The following GLIS1 variants were observed in gnomAD, a reference collection of about 807,000 sequenced individuals.
GLIS1 encodes the protein GLIS family zinc finger 1, also known as zinc finger protein GLIS1.
GLIS1 carries 24 observed loss-of-function variants against 63.8 expected under a neutral mutation model. The observed-to-expected ratio is 0.38, with a 90% CI of 0.27 to 0.53. The LOEUF (loss-of-function observed/expected upper bound fraction) is 0.53. Among genes scored for constraint, GLIS1 ranks in the 20% least tolerant of loss-of-function variants. GLIS1 has a pLI of 0.85. For missense variants in GLIS1, 1,036 were observed against 1,074.1 expected (o/e 0.96, Z 0.50); for synonymous variants, 450 against 482.5 (o/e 0.93, Z 0.88).
chr1:53,670,820 A>G (rs1381818445), intron 2 of GLIS1, among the ~76,000 whole-genome samples: 3 of 152,190 alleles, frequency 2.0e-5, no homozygotes, highest in Non-Finnish European at 2.9e-5. Flanking sequence ...GACCCATGGG[A>G]GGAGCTTACT....
chr1:53,737,961 G>A lies in GLIS1; in HGVS notation c.104C>T (p.Ala35Val). Reference protein sequence around the residue: ...RGPASLGAHMAFRVTVSGGGC... With the variant: ...RGPASLGAHMVFRVTVSGGGC... ...GCCGCCACTCACGGTGACCCTGAAG[G>A]CCATGTGCGCGCCGAGGCTGGCGGG... Residue 35 changes from alanine to valine, a missense_variant, in exon 2 of 11, where the codon GCC (alanine) becomes GTC (valine). Around this residue, in one of 3 missense-constraint regions of GLIS1, gnomAD observed 592 missense variants for 593.9 expected, o/e 1.00. Transcript: ENST00000628545. 8.1e-7 allele frequency: 1 copy of A among 1,230,262 alleles called. No individual in the cohort carries two copies. Among genetic ancestry groups the A allele is most frequent in the Non-Finnish European group, 1.0e-6 (1 of 986,978 alleles). 76.2% of individuals were successfully genotyped at this position (1,230,262 alleles called of 1,614,324 possible). A position where few individuals can be genotyped will look rare whatever the true frequency, so the allele number is the denominator to read the frequency against.
intron 4 of GLIS1, among the ~76,000 whole-genome samples, chr1:53,549,049 G>C (rs1366939528): frequency 6.6e-6 from 1 of 152,176 alleles, no homozygotes; most frequent in Non-Finnish European, 1.5e-5. Flanking sequence ...GTGGTCTTTA[G>C]TGACTGGCTT....
chr1:53,556,274 G>GTT (rs1644824465), intron 4 of GLIS1, among the ~76,000 whole-genome samples: 2 of 147,784 alleles, frequency 1.4e-5, no homozygotes, highest in South Asian at 2.2e-4. Context: ...CTGCAGGTGT[G>GTT]TGTGTGTGCA....
chr1:53,731,540 G>A (rs539184113), intron 2 of GLIS1, among the ~76,000 whole-genome samples: 1 of 152,302 alleles, frequency 6.6e-6, no homozygotes, highest in East Asian at 1.9e-4. Flanking sequence ...GGAAAGTACT[G>A]GCTCTGCTGT....
intron 2 of GLIS1, among the ~76,000 whole-genome samples, chr1:53,613,167 G>A (rs1645444007): frequency 1.3e-5 from 2 of 152,284 alleles, no homozygotes; most frequent in South Asian, 4.1e-4. Context: ...GGAAATATTA[G>A]TCCGATACAA....
At chr1:53,715,742 G>A (rs1646691802) in intron 2 of GLIS1, among the ~76,000 whole-genome samples, 1 of 152,148 alleles carries the variant, frequency 6.6e-6, no homozygotes, top group Admixed American at 6.5e-5. Context: ...ATGTTACTGA[G>A]AGGACGAGTG....
intron 2 of GLIS1, among the ~76,000 whole-genome samples, chr1:53,617,271 G>A (rs1645492143): frequency 6.6e-6 from 1 of 152,126 alleles, no homozygotes; most frequent in Non-Finnish European, 1.5e-5. Context: ...TCACCACCAA[G>A]AGTGGGTGGG....
intron 4 of GLIS1, among the ~76,000 whole-genome samples, chr1:53,545,884 C>T (rs145790459): frequency 1.1e-3 from 167 of 152,336 alleles, no homozygotes; most frequent in Non-Finnish European, 1.8e-3. Context: ...CATCTGGAGC[C>T]AGATCCGGTC....
chr1:53,633,578 TCTTC>T (rs944942449), intron 2 of GLIS1, among the ~76,000 whole-genome samples: 1 of 152,010 alleles, frequency 6.6e-6, no homozygotes, highest in Non-Finnish European at 1.5e-5. Context: ...CTTGTGTGGC[TCTTC>T]CTTTACCTCC....
At chr1:53,524,186 G>A (rs568961098) in intron 6 of GLIS1, among the ~76,000 whole-genome samples, 21 of 152,268 alleles carry the variant, frequency 1.4e-4, no homozygotes, top group African/African-American at 4.6e-4. Flanking sequence ...AGGCACGTAC[G>A]TGCCTGGGTG....
At chr1:53,693,832 C>G (rs1570060062) in intron 2 of GLIS1, among the ~76,000 whole-genome samples, 1 of 152,230 alleles carries the variant, frequency 6.6e-6, no homozygotes, top group Non-Finnish European at 1.5e-5. Context: ...TCGATCGCTG[C>G]CTTACCTAAC....
chr1:53,620,310 C>A (rs538533076), intron 2 of GLIS1, among the ~76,000 whole-genome samples: 4 of 152,206 alleles, frequency 2.6e-5, no homozygotes, highest in African/African-American at 9.6e-5. Flanking sequence ...TTCAGACCAG[C>A]GCTGACATCG....
At position 53,609,406 on chromosome 1, in the gene GLIS1, G is replaced by A. The variant is rs551011541; in HGVS notation, c.260-9128C>T. Reference sequence around the variant, plus strand: ...CTGCCTCAGCCTCCTGAGTAGCTGCGACTACAGGTGTGTGCCACCACACCT... The same window carrying A: ...CTGCCTCAGCCTCCTGAGTAGCTGCAACTACAGGTGTGTGCCACCACACCT... On this transcript the variant is annotated intron_variant, in intron 2 of 10. Coordinates refer to ENST00000628545, the MANE Select transcript of GLIS1 (RefSeq NM_001367484.1). Among the ~76,000 whole-genome samples, 6 of 149,886 alleles carry A rather than the reference G, an allele frequency of 4.0e-5. No individual in the cohort carries two copies. In the South Asian group the frequency reaches 1.1e-3, roughly 27 times the overall value.
intron 2 of GLIS1, among the ~76,000 whole-genome samples, chr1:53,682,747 A>C (rs1646289818): frequency 6.6e-6 from 1 of 152,216 alleles, no homozygotes; most frequent in South Asian, 2.1e-4. Context: ...CAATCAGACC[A>C]GAATAGGAAG....
chr1:53,533,614 A>G (rs1262597878), intron 4 of GLIS1, among the ~76,000 whole-genome samples: 1 of 152,212 alleles, frequency 6.6e-6, no homozygotes. Flanking sequence ...CAGCAGACGA[A>G]GGGGCACTGC....
rs185775864 is a variant in GLIS1 at position 53,705,129 on chromosome 1, A to G, written c.259+32677T>C. ...GCTGCCTCCTGGGAAGATCTGGCAC[A>G]TTCTAACTCAGTGTCGGGGCCCAGT... is the stretch of plus-strand genomic sequence containing the variant. On this transcript the variant is annotated intron_variant, in intron 2 of 10. Coordinates refer to ENST00000628545, the MANE Select transcript of GLIS1 (RefSeq NM_001367484.1). Among the ~76,000 whole-genome samples the G allele has an allele frequency of 1.4e-4, 22 of 152,290 alleles. 1 individual carries two copies. Among genetic ancestry groups the G allele is most frequent in the African/African-American group, 4.3e-4 (18 of 41,566 alleles).
intron 2 of GLIS1, among the ~76,000 whole-genome samples, chr1:53,677,684 C>A (rs1557517071): frequency 6.6e-6 from 1 of 152,268 alleles, no homozygotes; most frequent in Admixed American, 6.5e-5. Flanking sequence ...TTGGACCCAG[C>A]CGCGGGCACC....
chr1:53,572,823 T>C (rs1644996346), intron 4 of GLIS1, among the ~76,000 whole-genome samples: 1 of 152,000 alleles, frequency 6.6e-6, no homozygotes, highest in African/African-American at 2.4e-5. Flanking sequence ...GGGAGGAGGG[T>C]CAGTGGCCCC....
chr1:53,683,541 C>A (rs993420927), intron 2 of GLIS1, among the ~76,000 whole-genome samples: 1 of 152,064 alleles, frequency 6.6e-6, no homozygotes, highest in African/African-American at 2.4e-5. Context: ...AGAGTTCTCA[C>A]GTGGATCACA....
Sources: gnomAD v4.1 joint callset for allele counts (sites outside exome capture counted in the v4.1 genomes callset) on GRCh38, gnomAD v4.1.1 for gene constraint, gnomAD v4.1.1 regional missense constraint, MANE v1.5 for transcripts, NCBI Gene and HGNC (gene_info 2026-07-23, HGNC 2026-07-21) for gene names.